ZFAT: variants seen among roughly 807,000 people sequenced by gnomAD.
ZFAT encodes zinc finger protein ZFAT.
Under a neutral mutation model 117.7 loss-of-function variants are expected in ZFAT, and 64 were observed. The ratio of observed to expected loss-of-function variants is 0.54; its 90% confidence interval spans 0.44 to 0.67. The LOEUF (loss-of-function observed/expected upper bound fraction) is 0.67, where lower values mean the gene tolerates loss of function less well. ZFAT is among the 30% of genes least tolerant of loss of function. The probability of loss-of-function intolerance (pLI) is 0.00; values close to 1 mark genes in which losing one functional copy is unlikely to be tolerated. For synonymous variants in ZFAT, 679 were observed against 615.0 expected, an observed-to-expected ratio of 1.10 and a Z score of -1.54; for missense variants, 1,433 against 1,584.5, an observed-to-expected ratio of 0.90 and a Z score of 1.62.
At chr8:134,647,393 T>G (rs1046608559) in intron 2 of ZFAT, among the ~76,000 whole-genome samples, 2 of 152,168 alleles carry the variant, frequency 1.3e-5, no homozygotes, top group Non-Finnish European at 2.9e-5. Context: ...GGAATGTGCT[T>G]CAACAAACGA....
chr8:134,562,807 G>T (rs1039777729), intron 11 of ZFAT, among the ~76,000 whole-genome samples: 1 of 152,220 alleles, frequency 6.6e-6, no homozygotes, highest in South Asian at 2.1e-4. Flanking sequence ...CATTTCTTCT[G>T]CACATAAACC....
intron 2 of ZFAT, among the ~76,000 whole-genome samples, chr8:134,656,784 A>G (rs778992409): frequency 6.6e-6 from 1 of 152,072 alleles, no homozygotes; most frequent in Admixed American, 6.6e-5. Context: ...CCTTTATCTT[A>G]GTGTTTTGTG....
intron 3 of ZFAT, among the ~76,000 whole-genome samples, chr8:134,628,456 T>C (rs1198282893): frequency 6.6e-6 from 1 of 152,064 alleles, no homozygotes; most frequent in East Asian, 1.9e-4. Flanking sequence ...GCAGTGGGTG[T>C]CACAAAGGGG....
chr8:134,670,410 C>T (rs964036715), intron 1 of ZFAT, among the ~76,000 whole-genome samples: 2 of 152,262 alleles, frequency 1.3e-5, no homozygotes, highest in African/African-American at 4.8e-5. Context: ...GTCTCTCAGA[C>T]CACAGTGCAA....
chr8:134,617,477 C>A (rs1828827707), intron 3 of ZFAT, among the ~76,000 whole-genome samples: 2 of 152,292 alleles, frequency 1.3e-5, no homozygotes, highest in South Asian at 2.1e-4. Context: ...TTAGATATTT[C>A]TTGGACAATG....
At chr8:134,740,542 C>T in the ZFAT span, among the ~76,000 whole-genome samples, 2 of 152,198 alleles carry the variant, frequency 1.3e-5, no homozygotes, top group East Asian at 3.8e-4. Context: ...ACCTAGTTCC[C>T]TTCTTACGCA....
At chr8:134,664,118 G>A (rs1274082364) in intron 1 of ZFAT, among the ~76,000 whole-genome samples, 1 of 152,068 alleles carries the variant, frequency 6.6e-6, no homozygotes, top group African/African-American at 2.4e-5. Context: ...GAATGCATCA[G>A]GCATGGGCTC....
intron 15 of ZFAT, among the ~76,000 whole-genome samples, chr8:134,492,895 T>C (rs542985639): frequency 6.6e-6 from 1 of 152,320 alleles, no homozygotes; most frequent in African/African-American, 2.4e-5. Flanking sequence ...TCAGGAGATA[T>C]TCACAGGCAG....
intron 1 of ZFAT, among the ~76,000 whole-genome samples, chr8:134,670,343 T>C (rs913680255): frequency 6.6e-6 from 1 of 152,242 alleles, no homozygotes; most frequent in Non-Finnish European, 1.5e-5. Context: ...ATTGACCACA[T>C]AGTTGGAAGT....
upstream of ZFAT, among the ~76,000 whole-genome samples, chr8:134,716,061 AG>A (rs1814207788): frequency 6.6e-6 from 1 of 151,942 alleles, no homozygotes; most frequent in Middle Eastern, 3.2e-3. Context: ...CAGGAGCTCA[AG>A]GCTGCAATAA....
rs370367994 is a variant in ZFAT, at chr8:134,602,492, A to G, written c.1227T>C (p.Cys409=). The G allele has an allele frequency of 1.2e-6, 2 of 1,613,728 alleles. No individual in the cohort carries two copies. The highest frequency in any genetic ancestry group is 1.3e-5 in the African/African-American group (1 of 74,920). ...KRQLLYDCHI[C]ERKFKNELDR... Reference sequence around the variant, plus strand: ...CCAGCTCGTTCTTGAACTTGCGCTCACAGATGTGGCAGTCATAGAGCAGCT... The same window carrying G: ...CCAGCTCGTTCTTGAACTTGCGCTCGCAGATGTGGCAGTCATAGAGCAGCT... The change falls in exon 6 of 16, where the codon TGT becomes TGC. Residue 409 remains cysteine, a synonymous_variant. Coordinates refer to ENST00000377838, the MANE Select transcript of ZFAT (RefSeq NM_020863.4).
At chr8:134,794,726 C>A in the ZFAT span, 2 of 152,190 alleles carry the variant, frequency 1.3e-5, no homozygotes, top group African/African-American at 4.8e-5. Context: ...AAAACAAAAA[C>A]CCTAACGTTC....
rs1468996364 is a variant in ZFAT at position 134,590,529 on chromosome 8, C to T, written c.2476-174G>A. Among the ~76,000 whole-genome samples, 3 of 150,270 alleles carry T rather than the reference C, an allele frequency of 2.0e-5. No homozygotes were observed. In the East Asian group the frequency reaches 5.9e-4, roughly 29 times the overall value. On this transcript the variant is annotated intron_variant, in intron 7 of 15. Coordinates refer to ENST00000377838, the MANE Select transcript of ZFAT (RefSeq NM_020863.4). ...ACCATCATCAATACCATCATCACCA[C>T]CACTAGCACTATCAACAGTCATCAC... is the stretch of plus-strand genomic sequence containing the variant.
At chr8:134,600,850 A>G (rs955257677) in intron 6 of ZFAT, among the ~76,000 whole-genome samples, 182 bp from the exon 7 acceptor site, 3 of 152,034 alleles carry the variant, frequency 2.0e-5, no homozygotes, top group African/African-American at 7.2e-5. Flanking sequence ...GAGGTTGCAA[A>G]TATTAAGGGT....
the ZFAT span, among the ~76,000 whole-genome samples, chr8:134,775,649 A>G: frequency 6.6e-6 from 1 of 152,216 alleles, no homozygotes. Flanking sequence ...TACTGGGTTC[A>G]TCATTCTTAG....
the ZFAT span, among the ~76,000 whole-genome samples, chr8:134,824,161 C>T: frequency 6.6e-6 from 1 of 152,214 alleles, no homozygotes; most frequent in Non-Finnish European, 1.5e-5. Context: ...GAATTGAGTG[C>T]TGCCTAGCTC....
At position 134,657,685 on chromosome 8, in the gene ZFAT, C is replaced by T; in HGVS notation, c.72G>A (p.Gln24=). 1 of 1,614,070 alleles carries T rather than the reference C, an allele frequency of 6.2e-7. No homozygotes were observed. Among genetic ancestry groups the T allele is most frequent in the Non-Finnish European group, 8.5e-7 (1 of 1,180,026 alleles). ...CKCCNLFSPN[Q]SELLSHVSEK... ...CTGAAACGTGGGAGAGGAGTTCCGA[C>T]TGATTTGGTGAGAAGAGGTTACAAC... is the stretch of plus-strand genomic sequence containing the variant. The change falls in exon 2 of 16, where the codon CAG becomes CAA. Residue 24 remains glutamine, a synonymous_variant. Transcript: ENST00000377838.
intron 12 of ZFAT, among the ~76,000 whole-genome samples, chr8:134,532,205 A>G (rs2130559935): frequency 1.3e-5 from 2 of 152,356 alleles, no homozygotes; most frequent in South Asian, 4.1e-4. Context: ...AATTCTCATT[A>G]GTTTAAATGT....
At chr8:134,653,033 T>C (rs1488126589) in intron 2 of ZFAT, among the ~76,000 whole-genome samples, 2 of 151,846 alleles carry the variant, frequency 1.3e-5, no homozygotes, top group Non-Finnish European at 2.9e-5. Flanking sequence ...AAAGGTTGAG[T>C]AAATTATGCA....
Sources: gnomAD v4.1 joint callset for allele counts (sites outside exome capture counted in the v4.1 genomes callset) on GRCh38, gnomAD v4.1.1 for gene constraint, MANE v1.5 for transcripts, NCBI Gene and HGNC (gene_info 2026-07-23, HGNC 2026-07-21) for gene names.